Variants in SMCO4 observed in about 807,000 individuals in gnomAD.
The protein encoded by SMCO4 is single-pass membrane protein with coiled-coil domains 4, also known as single-pass membrane and coiled-coil domain-containing protein 4.
A neutral mutation model predicts 3.6 loss-of-function variants in SMCO4; 4 were observed. That is an observed-to-expected ratio of 1.11 (90% CI 0.54 to 2.53). The LOEUF is 2.53. Ranked by LOEUF, SMCO4 falls within the 30% of genes most tolerant of loss-of-function variation. The pLI is 0.02. For missense variants in SMCO4, 70 were observed against 80.8 expected (o/e 0.87, Z 0.51); for synonymous variants, 36 against 35.3 (o/e 1.02, Z -0.07).
intron 1 of SMCO4, among the ~76,000 whole-genome samples, chr11:93,506,564 G>A (rs1180973917): frequency 2.0e-5 from 3 of 151,718 alleles, no homozygotes; most frequent in African/African-American, 7.3e-5. Flanking sequence ...TCAGCCTCCA[G>A]AGTAGCTGGG....
chr11:93,547,336 C>G (rs780587768), upstream of SMCO4, among the ~76,000 whole-genome samples: 10 of 152,202 alleles, frequency 6.6e-5, no homozygotes, highest in Non-Finnish European at 1.2e-4. Flanking sequence ...ACATAATCAT[C>G]AGGGCATTGT....
At chr11:93,487,504 C>T (rs774207768) in intron 2 of SMCO4, among the ~76,000 whole-genome samples, 4 of 152,096 alleles carry the variant, frequency 2.6e-5, no homozygotes, top group Non-Finnish European at 4.4e-5. Flanking sequence ...ACTTCTCATA[C>T]CAAGGGCAGA....
At chr11:93,507,813 T>C (rs957009931) in intron 1 of SMCO4, among the ~76,000 whole-genome samples, 3 of 152,172 alleles carry the variant, frequency 2.0e-5, no homozygotes, top group Non-Finnish European at 1.5e-5. Context: ...GGCTGGATTT[T>C]CTCCATATAG....
At chr11:93,492,141 C>T (rs1483470030) in intron 2 of SMCO4, among the ~76,000 whole-genome samples, 2 of 152,166 alleles carry the variant, frequency 1.3e-5, no homozygotes, top group Admixed American at 6.5e-5. Flanking sequence ...AGGGACTAGC[C>T]CCAGAGACAG....
At chr11:93,552,126 T>C in the SMCO4 span, among the ~76,000 whole-genome samples, 8 of 147,352 alleles carry the variant, frequency 5.4e-5, no homozygotes, top group South Asian at 2.1e-4. Flanking sequence ...TTTTATAATT[T>C]AAAAAAAAGT....
At chr11:93,494,363 C>T (rs1775409532) in intron 2 of SMCO4, among the ~76,000 whole-genome samples, 1 of 152,146 alleles carries the variant, frequency 6.6e-6, no homozygotes, top group Non-Finnish European at 1.5e-5. Flanking sequence ...GGGTTAACCA[C>T]CAACCAAAAA....
upstream of SMCO4, among the ~76,000 whole-genome samples, chr11:93,546,593 C>A (rs920069816): frequency 6.6e-6 from 1 of 152,186 alleles, no homozygotes; most frequent in Non-Finnish European, 1.5e-5. Flanking sequence ...TAAGAGAAAT[C>A]ATCAGAGCCT....
intron 1 of SMCO4, among the ~76,000 whole-genome samples, chr11:93,517,146 A>G (rs182409191): frequency 6.6e-6 from 1 of 152,250 alleles, no homozygotes; most frequent in Non-Finnish European, 1.5e-5. Flanking sequence ...TTTCCTACAA[A>G]TGCCAGAGGG....
rs553720080 is a variant in SMCO4 at position 93,524,813 on chromosome 11, C to T, written c.-154+18463G>A. Among the ~76,000 whole-genome samples the T allele has an allele frequency of 2.8e-4, 42 of 152,252 alleles. No homozygotes were observed. The East Asian group carries it at 3.3e-3, about 12-fold the overall frequency. ...CCCACCTATGTTAACTCACAGATCT[C>T]GCCTGCTCACTGCACTCATCCAAGG... On this transcript the variant is annotated intron_variant, in intron 1 of 2. Transcript: ENST00000298966.
intron 2 of SMCO4, among the ~76,000 whole-genome samples, chr11:93,479,745 C>G (rs1025818330): frequency 6.6e-6 from 1 of 152,188 alleles, no homozygotes; most frequent in African/African-American, 2.4e-5. Flanking sequence ...CTCATTAAGG[C>G]TGCAGAGAGC....
intron 1 of SMCO4, among the ~76,000 whole-genome samples, chr11:93,531,644 T>G (rs1949163498): frequency 6.6e-6 from 1 of 152,222 alleles, no homozygotes; most frequent in South Asian, 2.1e-4. Flanking sequence ...CAGGTAACAC[T>G]AATTAATATA....
intron 1 of SMCO4, among the ~76,000 whole-genome samples, chr11:93,522,951 C>T (rs1043298160): frequency 2.6e-5 from 4 of 152,164 alleles, no homozygotes; most frequent in African/African-American, 9.7e-5. Flanking sequence ...TCCTTGAGAC[C>T]TGAAGTAAGA....
the SMCO4 span, among the ~76,000 whole-genome samples, chr11:93,550,249 A>C: frequency 6.6e-6 from 1 of 152,232 alleles, no homozygotes; most frequent in Non-Finnish European, 1.5e-5. Flanking sequence ...AAAAGAAATA[A>C]GAGCGTCATT....
At chr11:93,514,413 T>TATATATACATACAC (rs1555077563) in intron 1 of SMCO4, among the ~76,000 whole-genome samples, 4 of 33,962 alleles carry the variant, frequency 1.2e-4, no homozygotes, top group South Asian at 2.2e-3. Context: ...TATATATATA[T>TATATATACATACAC]ATATATATAA....
intron 1 of SMCO4, among the ~76,000 whole-genome samples, chr11:93,539,300 G>A (rs1422653522): frequency 1.3e-5 from 2 of 151,468 alleles, no homozygotes; most frequent in African/African-American, 4.8e-5. Context: ...ATCTAAAAAT[G>A]AAGGGTCATA....
intron 1 of SMCO4, among the ~76,000 whole-genome samples, chr11:93,501,308 C>T (rs935354029): frequency 6.6e-6 from 1 of 152,182 alleles, no homozygotes; most frequent in Non-Finnish European, 1.5e-5. Context: ...AGGGCACAGA[C>T]TAGTATATGA....
intron 2 of SMCO4, among the ~76,000 whole-genome samples, chr11:93,487,231 T>TG (rs1451119542): frequency 6.6e-6 from 1 of 151,552 alleles, no homozygotes; most frequent in Non-Finnish European, 1.5e-5. Flanking sequence ...TGCGGCAGAG[T>TG]GGGGGTAGGG....
intron 2 of SMCO4, among the ~76,000 whole-genome samples, chr11:93,483,809 C>A (rs1948618402): frequency 6.6e-6 from 1 of 152,212 alleles, no homozygotes. Context: ...AAAGGTCAAA[C>A]CCACATCTGT....
chr11:93,502,849 T>C (rs571938297), intron 1 of SMCO4, among the ~76,000 whole-genome samples: 6 of 152,338 alleles, frequency 3.9e-5, no homozygotes, highest in South Asian at 4.1e-4. Context: ...TAACAAAGAA[T>C]TGTTAATAAA....
Sources: gnomAD v4.1 joint callset for allele counts (sites outside exome capture counted in the v4.1 genomes callset) on GRCh38, gnomAD v4.1.1 for gene constraint, MANE v1.5 for transcripts, NCBI Gene and HGNC (gene_info 2026-07-23, HGNC 2026-07-21) for gene names.